Variants in JPH1 observed in about 807,000 individuals in gnomAD.
The protein encoded by JPH1 is junctophilin 1.
In JPH1, 12 loss-of-function variants were observed where a neutral mutation model predicts 53.6. The ratio of observed to expected loss-of-function variants is 0.22; its 90% confidence interval spans 0.14 to 0.36. JPH1 has a LOEUF of 0.36. JPH1 is among the 10% of genes least tolerant of loss of function. The pLI is 1.00. For missense variants in JPH1, 808 were observed against 905.5 expected (o/e 0.89, Z 1.38); for synonymous variants, 375 against 363.8 (o/e 1.03, Z -0.35).
In JPH1 at chr8:74,237,213, C is replaced by T; in HGVS notation, c.*10G>A. ...GAAATTAAGGCGATTCTTACCTTTC[C>T]TAATTCCAATCAAGTTAGAAAGTGA... On this transcript the variant is annotated 3_prime_UTR_variant, in exon 5 of 6. Coordinates refer to ENST00000342232, the MANE Select transcript of JPH1 (RefSeq NM_020647.4). 6.3e-7 allele frequency: 1 copy of T among 1,585,456 alleles called. No individual in the cohort carries two copies.
chr8:74,289,549 C>T (rs567172423), intron 2 of JPH1, among the ~76,000 whole-genome samples: 17 of 152,240 alleles, frequency 1.1e-4, no homozygotes, highest in African/African-American at 4.1e-4. Flanking sequence ...TTCTCATCCT[C>T]TTTGCTCTAC....
At chr8:74,237,172 A>T in intron 5 of JPH1, 36 bp downstream of exon 5, 1 of 1,306,966 alleles carries the variant, frequency 7.7e-7, no homozygotes, top group Non-Finnish European at 1.1e-6. Context: ...AATGTTATTT[A>T]CTATGATTTT....
chr8:74,312,666 A>C (rs1370492846), intron 2 of JPH1, among the ~76,000 whole-genome samples: 1 of 152,152 alleles, frequency 6.6e-6, no homozygotes, highest in East Asian at 1.9e-4. Flanking sequence ...GTTGAACAGC[A>C]ACCCTCCATT....
intron 2 of JPH1, among the ~76,000 whole-genome samples, chr8:74,287,224 T>C (rs1038935002): frequency 2.0e-5 from 3 of 151,940 alleles, no homozygotes; most frequent in African/African-American, 2.4e-5. Flanking sequence ...CTGAGGTCAG[T>C]AGTTTGAGAC....
At chr8:74,300,923 C>T (rs1405463506) in intron 2 of JPH1, among the ~76,000 whole-genome samples, 1 of 152,144 alleles carries the variant, frequency 6.6e-6, no homozygotes, top group Admixed American at 6.6e-5. Flanking sequence ...AATGATGGAG[C>T]CTTACTGGCC....
chr8:74,319,659 ATTGTGTAAGCT>A (rs1808258968), intron 1 of JPH1, among the ~76,000 whole-genome samples: 1 of 152,212 alleles, frequency 6.6e-6, no homozygotes, highest in South Asian at 2.1e-4. Context: ...AAGTGTACAA[ATTGTGTAAGCT>A]TTTATATAAG....
intron 2 of JPH1, among the ~76,000 whole-genome samples, chr8:74,313,663 A>T (rs1256349357): frequency 2.0e-5 from 3 of 152,076 alleles, no homozygotes; most frequent in African/African-American, 7.2e-5. Context: ...CTCCATCAAA[A>T]AAAAGGGAGG....
At chr8:74,301,291 T>C (rs927838091) in intron 2 of JPH1, among the ~76,000 whole-genome samples, 2 of 152,336 alleles carry the variant, frequency 1.3e-5, no homozygotes, top group South Asian at 2.1e-4. Flanking sequence ...TCAAATGCCT[T>C]TGAAGACTCC....
chr8:74,278,058 T>C (rs1320618826), intron 2 of JPH1, among the ~76,000 whole-genome samples: 1 of 152,214 alleles, frequency 6.6e-6, no homozygotes, highest in Non-Finnish European at 1.5e-5. Context: ...ATATATGTGA[T>C]ATTTATTGAT....
At chr8:74,275,008 G>T (rs1806807345) in intron 2 of JPH1, among the ~76,000 whole-genome samples, 1 of 152,138 alleles carries the variant, frequency 6.6e-6, no homozygotes, top group African/African-American at 2.4e-5. Flanking sequence ...TGGGCTATGA[G>T]AATTTTCCTA....
intron 2 of JPH1, among the ~76,000 whole-genome samples, chr8:74,286,650 C>T (rs980980906): frequency 1.2e-4 from 19 of 152,214 alleles, no homozygotes; most frequent in African/African-American, 3.9e-4. Context: ...ATAATTATGT[C>T]TGTAACTCTA....
chr8:74,264,620 A>C (rs1355392282), intron 2 of JPH1, among the ~76,000 whole-genome samples: 1 of 152,222 alleles, frequency 6.6e-6, no homozygotes, highest in Non-Finnish European at 1.5e-5. Context: ...CAGAGGTGTT[A>C]TGATATAGGC....
In JPH1 at chr8:74,321,462, T is replaced by TGCCGCCGCC; in HGVS notation, c.-184_-176dup. The TGCCGCCGCC allele has an allele frequency of 5.3e-6, 3 of 566,788 alleles. No homozygotes were observed. The highest frequency in any genetic ancestry group is 8.3e-6 in the Non-Finnish European group (3 of 360,356). The allele number at this position is 566,788 out of a possible 1,614,324, so 35.1% of individuals were successfully genotyped here. A position where few individuals can be genotyped will look rare whatever the true frequency, so the allele number is the denominator to read the frequency against. ...GCCGCCCCCGTCCTCCCTCCTCTTT[T>TGCCGCCGCC]GCCGCCGCCACCGCCGCCTTCCTCC... On this transcript the variant is annotated 5_prime_UTR_variant, in exon 1 of 6. Transcript: ENST00000342232. The surrounding 1 kb of genome is among the most constrained non-coding windows in gnomAD (Gnocchi z 4.3).
intron 2 of JPH1, among the ~76,000 whole-genome samples, chr8:74,271,509 C>G (rs117605792): frequency 6.6e-6 from 1 of 152,324 alleles, no homozygotes; most frequent in East Asian, 1.9e-4. Context: ...GATTTGGTGA[C>G]AAAAGGATGT....
intron 3 of JPH1, among the ~76,000 whole-genome samples, chr8:74,255,564 G>C (rs1806196320): frequency 6.6e-6 from 1 of 152,082 alleles, no homozygotes; most frequent in African/African-American, 2.4e-5. Flanking sequence ...TTAAACTCAA[G>C]AGCTTCTGCA....
chr8:74,304,770 ATTGT>A (rs564172891), intron 2 of JPH1, among the ~76,000 whole-genome samples: 3 of 152,168 alleles, frequency 2.0e-5, no homozygotes, highest in Non-Finnish European at 4.4e-5. Context: ...AAATAATAAA[ATTGT>A]TTGTTAATTT....
chr8:74,293,362 G>A (rs746395218), intron 2 of JPH1, among the ~76,000 whole-genome samples: 13 of 152,152 alleles, frequency 8.5e-5, no homozygotes, highest in Admixed American at 2.0e-4. Context: ...GTTTACTAGC[G>A]TTGGGCACCG....
chr8:74,320,991 G>C lies in JPH1; in HGVS notation c.297C>G (p.Ser99Arg). 1.2e-6 allele frequency: 2 copies of C among 1,612,640 alleles called. No individual in the cohort carries two copies. The highest frequency in any genetic ancestry group is 1.7e-6 in the Non-Finnish European group (2 of 1,179,456). The change falls in exon 1 of 6, where the codon AGC becomes AGG. Residue 99 changes from serine (S) to arginine (R), a missense_variant. Ser to Arg is a moderately radical substitution (Grantham distance 110). This residue lies in a region of JPH1 where 756 missense variants were observed against 811.9 expected (regional missense o/e 0.93). Coordinates refer to ENST00000342232, the MANE Select transcript of JPH1 (RefSeq NM_020647.4). The surrounding 1 kb of genome is among the most constrained non-coding windows in gnomAD (Gnocchi z 4.4). ...GFKGRYGVRQ[S>R]LCTPARYEGT... The stretch of plus-strand genomic sequence containing the variant: ...CCTCGTAGCGAGCGGGGGTGCACAG[G>C]CTCTGCCGGACCCCGTAGCGCCCCT...
intron 2 of JPH1, among the ~76,000 whole-genome samples, chr8:74,298,371 C>A (rs1366003851): frequency 6.6e-6 from 1 of 152,140 alleles, no homozygotes; most frequent in Non-Finnish European, 1.5e-5. Context: ...GGGTGCAGTT[C>A]TTTATTGCCT....
Sources: gnomAD v4.1 joint callset for allele counts (sites outside exome capture counted in the v4.1 genomes callset) on GRCh38, gnomAD v4.1.1 for gene constraint, gnomAD v4.1.1 regional missense constraint, Gnocchi (gnomAD v3.1) non-coding constraint, MANE v1.5 for transcripts, NCBI Gene and HGNC (gene_info 2026-07-23, HGNC 2026-07-21) for gene names.